Variants in HTT-AS observed in about 807,000 individuals in gnomAD.
HTT-AS encodes HTT antisense RNA.
chr4:3,063,579 G>C (rs1266659785), exon 2 of HTT-AS: 1 of 152,376 alleles, frequency 6.6e-6, no homozygotes, highest in Non-Finnish European at 1.5e-5. Flanking sequence ...ACTCCTGGCA[G>C]CTCAAACGGC....
At chr4:3,059,038 G>A (rs1322416236) in intron 2 of HTT-AS, among the ~76,000 whole-genome samples, 1 of 152,128 alleles carries the variant, frequency 6.6e-6, no homozygotes, top group Non-Finnish European at 1.5e-5. Context: ...ATTTCCACTT[G>A]TTAAACTGAA....
chr4:3,051,828 G>A (rs1223427516), intron 2 of HTT-AS, among the ~76,000 whole-genome samples: 1 of 151,968 alleles, frequency 6.6e-6, no homozygotes, highest in Non-Finnish European at 1.5e-5. Flanking sequence ...AACCCCATAA[G>A]CTTGCTCGCC....
chr4:3,065,066 G>A (rs1339780437), intron 1 of HTT-AS, among the ~76,000 whole-genome samples: 3 of 152,038 alleles, frequency 2.0e-5, no homozygotes, highest in Non-Finnish European at 2.9e-5. Flanking sequence ...TGCTGTAAAG[G>A]CATTTGACCA....
At chr4:3,062,968 G>T (rs1304013342) in exon 2 of HTT-AS, among the ~76,000 whole-genome samples, 1 of 152,102 alleles carries the variant, frequency 6.6e-6, no homozygotes, top group Admixed American at 6.6e-5. Context: ...AGTCCAACCG[G>T]ACCTTTTACT....
At chr4:3,054,429 T>TA (rs1233867623) in intron 2 of HTT-AS, among the ~76,000 whole-genome samples, 1 of 152,102 alleles carries the variant, frequency 6.6e-6, no homozygotes, top group African/African-American at 2.4e-5. Flanking sequence ...TTGAAACTAC[T>TA]AAAAAAATAG....
intron 2 of HTT-AS, among the ~76,000 whole-genome samples, chr4:3,056,665 T>C (rs1416499459): frequency 6.6e-6 from 1 of 152,232 alleles, no homozygotes; most frequent in Non-Finnish European, 1.5e-5. Context: ...TAATGCCCTG[T>C]TGCAGTTTTC....
chr4:3,063,756 T>A (rs1309399935), intron 1 of HTT-AS: 1 of 152,046 alleles, frequency 6.6e-6, no homozygotes, highest in African/African-American at 2.4e-5. Flanking sequence ...AGGCTGGTCA[T>A]GAACTCTTGG....
At chr4:3,050,358 G>T (rs1357709834) in intron 2 of HTT-AS, among the ~76,000 whole-genome samples, 1 of 152,006 alleles carries the variant, frequency 6.6e-6, no homozygotes, top group Non-Finnish European at 1.5e-5. Flanking sequence ...CTCTTTTCTT[G>T]GTATTCAATT....
intron 2 of HTT-AS, among the ~76,000 whole-genome samples, chr4:3,057,822 A>G (rs1442559923): frequency 2.0e-5 from 3 of 151,220 alleles, no homozygotes; most frequent in African/African-American, 7.3e-5. Context: ...ACGGGGTTTC[A>G]CCATGTTAGC....
intron 2 of HTT-AS, among the ~76,000 whole-genome samples, chr4:3,054,048 G>A (rs1256698938): frequency 6.6e-6 from 1 of 151,900 alleles, no homozygotes; most frequent in Admixed American, 6.6e-5. Flanking sequence ...GTGAGCCACT[G>A]CACCCAGCCA....
At chr4:3,070,652 A>G (rs1389291181) in intron 1 of HTT-AS, among the ~76,000 whole-genome samples, 4 of 152,074 alleles carry the variant, frequency 2.6e-5, no homozygotes, top group Non-Finnish European at 5.9e-5. Context: ...CAGGCTCTAC[A>G]TGGTGTGTAG....
intron 2 of HTT-AS, among the ~76,000 whole-genome samples, chr4:3,057,127 G>A (rs946491355): frequency 7.3e-5 from 11 of 151,646 alleles, no homozygotes; most frequent in African/African-American, 2.4e-4. Flanking sequence ...TCTGCCTCCC[G>A]GGTTCAAGCA....
intron 1 of HTT-AS, among the ~76,000 whole-genome samples, chr4:3,066,097 A>G (rs1712046772): frequency 6.6e-6 from 1 of 152,218 alleles, no homozygotes; most frequent in African/African-American, 2.4e-5. Context: ...GCGCAGAGAG[A>G]GAGGCCAAAC....
exon 2 of HTT-AS, among the ~76,000 whole-genome samples, chr4:3,063,085 T>C (rs549526826): frequency 2.6e-5 from 4 of 152,250 alleles, no homozygotes; most frequent in Admixed American, 2.6e-4. Flanking sequence ...ATGACATTCA[T>C]AGTCTAGTTA....
chr4:3,057,159 G>A (rs763058860), intron 2 of HTT-AS, among the ~76,000 whole-genome samples: 3 of 151,870 alleles, frequency 2.0e-5, no homozygotes, highest in Non-Finnish European at 2.9e-5. Context: ...TCAGCCTCCC[G>A]AGTAGCTGGG....
At chr4:3,066,272 C>T (rs1032645608) in intron 1 of HTT-AS, among the ~76,000 whole-genome samples, 11 of 152,052 alleles carry the variant, frequency 7.2e-5, no homozygotes, top group African/African-American at 2.4e-4. Context: ...CTGGTTCAAG[C>T]GATTCTCCTG....
intron 1 of HTT-AS, among the ~76,000 whole-genome samples, chr4:3,069,602 A>G (rs1712124728): frequency 2.0e-5 from 3 of 152,182 alleles, no homozygotes; most frequent in Admixed American, 1.3e-4. Context: ...GAAATGCTCT[A>G]GTTTAAAAAC....
intron 2 of HTT-AS, among the ~76,000 whole-genome samples, chr4:3,059,917 G>GTTTTTTTTTTTTTTTTTTTT (rs34372712): frequency 7.3e-6 from 1 of 136,240 alleles, no homozygotes; most frequent in Non-Finnish European, 1.6e-5. Context: ...TTGTCCCTGT[G>GTTTTTTTTTTTTTTTTTTTT]TTTTTTGTTT....
At chr4:3,073,888 C>A (rs2110127092) in intron 1 of HTT-AS, among the ~76,000 whole-genome samples, 2 of 152,280 alleles carry the variant, frequency 1.3e-5, no homozygotes, top group South Asian at 4.1e-4. Context: ...GCCAGTGTGG[C>A]GGGAGGGCAA....
Sources: gnomAD v4.1 joint callset for allele counts (sites outside exome capture counted in the v4.1 genomes callset) on GRCh38, gnomAD v4.1.1 for gene constraint, MANE v1.5 for transcripts, NCBI Gene and HGNC (gene_info 2026-07-23, HGNC 2026-07-21) for gene names.